Variants in NEK11 observed in about 807,000 individuals in gnomAD.
The protein encoded by NEK11 is serine/threonine-protein kinase Nek11.
NEK11 carries 72 observed loss-of-function variants against 80.7 expected under a neutral mutation model. That is an observed-to-expected ratio of 0.89 (90% CI 0.74 to 1.08). NEK11 has a LOEUF of 1.08. Ranked by LOEUF, NEK11 falls within the 50% of genes least tolerant of loss-of-function variation. The pLI, the probability that NEK11 is intolerant of heterozygous loss-of-function variation, is 0.00. For synonymous variants in NEK11, 251 were observed against 260.7 expected (o/e 0.96, Z 0.36); for missense variants, 764 against 763.6 (o/e 1.00, Z -0.01).
At chr3:131,074,616 C>T (rs1169767615) in intron 3 of NEK11, among the ~76,000 whole-genome samples, 2 of 152,188 alleles carry the variant, frequency 1.3e-5, no homozygotes, top group African/African-American at 2.4e-5. Flanking sequence ...TGCAGACACT[C>T]TTCTACTGGA....
chr3:131,296,878 T>G (rs1160576364), intron 17 of NEK11, among the ~76,000 whole-genome samples: 1 of 151,988 alleles, frequency 6.6e-6, no homozygotes, highest in Admixed American at 6.6e-5. Context: ...GTTCTCATTG[T>G]TCAATTCCCA....
At chr3:131,271,987 C>T (rs2096197809) in intron 16 of NEK11, among the ~76,000 whole-genome samples, 1 of 151,908 alleles carries the variant, frequency 6.6e-6, no homozygotes, top group Non-Finnish European at 1.5e-5. Context: ...GTAATCCCAG[C>T]TACTCAGGAG....
intron 17 of NEK11, among the ~76,000 whole-genome samples, chr3:131,309,888 C>T (rs1326944083): frequency 2.0e-5 from 3 of 146,584 alleles, no homozygotes; most frequent in Admixed American, 1.4e-4. Context: ...ACTCAGGAGG[C>T]TGAGGCAGGA....
chr3:131,041,983 C>A (rs1216259696), intron 3 of NEK11, among the ~76,000 whole-genome samples: 1 of 152,078 alleles, frequency 6.6e-6, no homozygotes, highest in Admixed American at 6.5e-5. Flanking sequence ...GTCACCTCAC[C>A]CCGGAAGTGC....
rs1482590931 is a variant in NEK11, at chr3:131,155,023, A to G, written c.877-13A>G. ...GAGCCTTTAAGATATGTCAGGGTTG[A>G]TCTTTTTTTCAGAACCTAATGTGTA... On this transcript the variant is annotated splice_polypyrimidine_tract_variant and intron_variant, in intron 9 of 17. Transcript: ENST00000383366. 6.5e-7 allele frequency: 1 copy of G among 1,529,622 alleles called. No individual in the cohort carries two copies. The highest frequency in any genetic ancestry group is 1.4e-5 in the African/African-American group (1 of 73,372). The allele number at this position is 1,529,622 out of a possible 1,614,324, so 94.8% of individuals were successfully genotyped here. A position where few individuals can be genotyped will look rare whatever the true frequency, so the allele number is the denominator to read the frequency against.
At chr3:131,141,171 G>C (rs1298122507) in intron 7 of NEK11, among the ~76,000 whole-genome samples, 3 of 152,144 alleles carry the variant, frequency 2.0e-5, no homozygotes, top group African/African-American at 7.2e-5. Context: ...TTGCAGAAGG[G>C]AAGAGACGTG....
In NEK11 at chr3:131,203,425, G is replaced by GT. The variant is rs532170428; in HGVS notation, c.1400-25101dup. ...AGGGGAACATCACACACTGGGGCCT[G>GT]TTGTGGGGTGAGGGGAGGGGGGAGG... On this transcript the variant is annotated intron_variant, in intron 14 of 17. Coordinates refer to ENST00000383366, the MANE Select transcript of NEK11 (RefSeq NM_024800.5). Among the ~76,000 whole-genome samples the GT allele has an allele frequency of 4.5e-3, 602 of 133,110 alleles. 3 individuals are homozygous for GT. Among genetic ancestry groups the GT allele is most frequent in the African/African-American group, 0.015 (543 of 35,970 alleles). The allele number at this position is 133,110 out of a possible 152,430, so 87.3% of individuals were successfully genotyped here.
chr3:131,253,543 CT>C (rs2095748799), intron 16 of NEK11, among the ~76,000 whole-genome samples: 1 of 152,154 alleles, frequency 6.6e-6, no homozygotes, highest in Non-Finnish European at 1.5e-5. Flanking sequence ...TTCCTTTCCT[CT>C]TCTTCCTTCC....
At chr3:131,121,765 G>A (rs1459070439) in intron 5 of NEK11, among the ~76,000 whole-genome samples, 1 of 152,198 alleles carries the variant, frequency 6.6e-6, no homozygotes, top group African/African-American at 2.4e-5. Flanking sequence ...GAGGCTCCGT[G>A]GGTGTGGGAC....
intron 16 of NEK11, among the ~76,000 whole-genome samples, chr3:131,271,917 C>G (rs567341043): frequency 1.3e-5 from 2 of 151,938 alleles, no homozygotes; most frequent in South Asian, 4.2e-4. Context: ...AGGAGACCAA[C>G]AGGAGATAAC....
At chr3:131,193,058 G>A (rs541983566) in intron 14 of NEK11, among the ~76,000 whole-genome samples, 37 of 151,984 alleles carry the variant, frequency 2.4e-4, no homozygotes, top group Non-Finnish European at 5.1e-4. Flanking sequence ...AAGTAAAACA[G>A]AATTTAAAAA....
chr3:131,307,641 T>C (rs1459860255), intron 17 of NEK11, among the ~76,000 whole-genome samples: 1 of 152,220 alleles, frequency 6.6e-6, no homozygotes, highest in African/African-American at 2.4e-5. Context: ...AGTTTGAGCT[T>C]CCAGGAAGCC....
chr3:131,305,170 G>A (rs2096710070), intron 17 of NEK11, among the ~76,000 whole-genome samples: 1 of 151,882 alleles, frequency 6.6e-6, no homozygotes, highest in South Asian at 2.1e-4. Flanking sequence ...GGCGGGGGAG[G>A]GAGGGAAGGT....
At chr3:131,120,130 C>A (rs1042899832) in intron 5 of NEK11, among the ~76,000 whole-genome samples, 1 of 152,160 alleles carries the variant, frequency 6.6e-6, no homozygotes, top group Non-Finnish European at 1.5e-5. Context: ...TTGTTCCTTT[C>A]CATGTTTAGT....
chr3:131,146,645 AT>A (rs2088351478), intron 7 of NEK11, among the ~76,000 whole-genome samples: 1 of 152,282 alleles, frequency 6.6e-6, no homozygotes, highest in South Asian at 2.1e-4. Context: ...TTTTAGTGAT[AT>A]TTAGCCCCTC....
At chr3:131,271,471 C>T (rs1381130332) in intron 16 of NEK11, among the ~76,000 whole-genome samples, 3 of 152,132 alleles carry the variant, frequency 2.0e-5, no homozygotes, top group Non-Finnish European at 2.9e-5. Flanking sequence ...GTATGTGAGA[C>T]ATATTAGAAT....
intron 17 of NEK11, among the ~76,000 whole-genome samples, chr3:131,309,207 ACT>A (rs1202182789): frequency 6.6e-6 from 1 of 151,904 alleles, no homozygotes; most frequent in African/African-American, 2.4e-5. Context: ...GGCCTGTATC[ACT>A]CTCTAACTTT....
intron 14 of NEK11, among the ~76,000 whole-genome samples, chr3:131,221,497 G>C (rs915042160): frequency 6.6e-6 from 1 of 152,098 alleles, no homozygotes; most frequent in Non-Finnish European, 1.5e-5. Flanking sequence ...AACCATTCTG[G>C]GAAGCCTGTC....
intron 4 of NEK11, among the ~76,000 whole-genome samples, chr3:131,090,468 T>C (rs1257555733): frequency 6.6e-6 from 1 of 152,188 alleles, no homozygotes; most frequent in Non-Finnish European, 1.5e-5. Context: ...GAAAGTTATT[T>C]TAGCAATAAA....
Sources: allele counts gnomAD v4.1 joint callset (sites outside exome capture counted in the v4.1 genomes callset), GRCh38; gene constraint gnomAD v4.1.1; transcripts MANE v1.5; gene names NCBI Gene and HGNC (gene_info 2026-07-23, HGNC 2026-07-21).